The following NEDD9 variants were observed in gnomAD, a reference collection of about 807,000 sequenced individuals.
NEDD9 encodes neural precursor cell expressed, developmentally down-regulated 9.
In NEDD9, 26 loss-of-function variants were observed where a neutral mutation model predicts 76.6. The observed-to-expected ratio is 0.34, with a 90% CI of 0.25 to 0.47. The LOEUF is 0.47. Among genes scored for constraint, NEDD9 ranks in the 20% least tolerant of loss-of-function variants. The pLI is 1.00. For synonymous variants in NEDD9, 392 were observed against 414.2 expected (o/e 0.95, Z 0.65); for missense variants, 937 against 1,058.5 (o/e 0.89, Z 1.59).
At chr6:11,275,792 C>T (rs774396453) in intron 3 of NEDD9, among the ~76,000 whole-genome samples, 2 of 152,158 alleles carry the variant, frequency 1.3e-5, no homozygotes, top group Non-Finnish European at 2.9e-5. Flanking sequence ...GAAATTCTTC[C>T]AAGCCACTCA....
chr6:11,365,100 C>A (rs1762738379), intron 1 of NEDD9, among the ~76,000 whole-genome samples: 1 of 152,080 alleles, frequency 6.6e-6, no homozygotes, highest in Admixed American at 6.6e-5. Flanking sequence ...CTGCCACTCA[C>A]CCCCCAGATG....
chr6:11,227,346 C>T (rs1759336104), intron 1 of NEDD9, among the ~76,000 whole-genome samples: 2 of 152,210 alleles, frequency 1.3e-5, no homozygotes, highest in Admixed American at 1.3e-4. Context: ...GCATTGTCTG[C>T]TTACTATATG....
chr6:11,373,157 A>C (rs1349887527), intron 1 of NEDD9, among the ~76,000 whole-genome samples: 1 of 152,184 alleles, frequency 6.6e-6, no homozygotes, highest in Non-Finnish European at 1.5e-5. Flanking sequence ...AAAAATTAAA[A>C]AAAAAAAACT....
chr6:11,323,781 T>G (rs1761865054), intron 2 of NEDD9, among the ~76,000 whole-genome samples: 1 of 152,238 alleles, frequency 6.6e-6, no homozygotes, highest in African/African-American at 2.4e-5. Flanking sequence ...AGTCTCCCAG[T>G]TGCACAAGGT....
intron 1 of NEDD9, among the ~76,000 whole-genome samples, chr6:11,375,608 G>A (rs1762957042): frequency 1.3e-5 from 2 of 152,120 alleles, no homozygotes; most frequent in Non-Finnish European, 2.9e-5. Flanking sequence ...CTTTGATGGT[G>A]AGTGAGTTTT....
chr6:11,250,358 G>A (rs57917722), intron 3 of NEDD9, among the ~76,000 whole-genome samples: 1,816 of 152,262 alleles, frequency 0.012, 32 homozygotes, highest in African/African-American at 0.042. Context: ...TGGCCTTGCT[G>A]GAATCCCCAT....
At chr6:11,201,159 T>C (rs1377078257) in intron 2 of NEDD9, 9 of 1,228,114 alleles carry the variant, frequency 7.3e-6, no homozygotes, top group South Asian at 2.5e-5. Context: ...CCACTTCACC[T>C]CCTTAATGCA....
chr6:11,251,261 G>A (rs1305947712), intron 3 of NEDD9: 4 of 152,156 alleles, frequency 2.6e-5, no homozygotes, highest in Non-Finnish European at 4.4e-5. Flanking sequence ...TTTTGCTGTC[G>A]GGGTGGTGGC....
chr6:11,222,092 T>C (rs1364099103), intron 1 of NEDD9, among the ~76,000 whole-genome samples: 2 of 152,224 alleles, frequency 1.3e-5, no homozygotes, highest in African/African-American at 4.8e-5. Context: ...AGTTATAACA[T>C]CTGATAAGGT....
chr6:11,319,645 T>C, intron 2 of NEDD9, among the ~76,000 whole-genome samples: 1 of 126,200 alleles, frequency 7.9e-6, no homozygotes, highest in African/African-American at 3.1e-5. Context: ...ACATGCACAC[T>C]CACACATGCC....
chr6:11,246,784 A>T (rs1172176568), intron 3 of NEDD9, among the ~76,000 whole-genome samples: 1 of 152,188 alleles, frequency 6.6e-6, no homozygotes, highest in Non-Finnish European at 1.5e-5. Context: ...GAGCTTAGAC[A>T]TCTCTTACAA....
In NEDD9 at chr6:11,185,282, C is replaced by G; in HGVS notation, c.2385G>C (p.Lys795Asn). ...TGCTGGGGTAATGGAGGGCGGCCAT[C>G]TTGGTTGCCATGACTATGGTCTTGA... Reference protein sequence around the residue: ...EQLKTIVMATKMAALHYPSTT... With the variant: ...EQLKTIVMATNMAALHYPSTT... The change falls in exon 7 of 7, where the codon AAG (lysine) becomes AAC (asparagine). Residue 795 changes from lysine to asparagine, a missense_variant. By Grantham distance (94) the Lys-to-Asn change is moderately conservative (BLOSUM62 0). Coordinates refer to ENST00000379446, the MANE Select transcript of NEDD9 (RefSeq NM_006403.4). 6.2e-7 allele frequency: 1 copy of G among 1,614,070 alleles called. No individual in the cohort carries two copies. The highest frequency in any genetic ancestry group is 8.5e-7 in the Non-Finnish European group (1 of 1,180,016).
rs1581960581 is a variant in NEDD9, at chr6:11,213,548, A to T, written c.192T>A (p.Ile64=). ...IVPGNRVKLL[I]GPMQETASSH... is the part of the protein sequence containing the mutation. ...TGGAGGCAGTCTCCTGCATGGGACC[A>T]ATCAGAAGCTTCACCCGGTTGCCTG... The change falls in exon 2 of 7, where the codon ATT becomes ATA. Residue 64 remains isoleucine, a synonymous_variant. Transcript: ENST00000379446. The surrounding 1 kb of genome is among the most constrained non-coding windows in gnomAD (Gnocchi z 5.4). 1 of 1,614,146 alleles carries T rather than the reference A, an allele frequency of 6.2e-7. No individual in the cohort carries two copies.
chr6:11,243,922 C>G (rs543933619), intron 3 of NEDD9, among the ~76,000 whole-genome samples: 17 of 152,274 alleles, frequency 1.1e-4, no homozygotes, highest in South Asian at 2.1e-4. Context: ...ATGTGTCAAC[C>G]TGGATAGGCC....
intron 1 of NEDD9, among the ~76,000 whole-genome samples, chr6:11,228,224 G>T (rs1336385055): frequency 1.3e-5 from 2 of 152,010 alleles, no homozygotes; most frequent in African/African-American, 4.8e-5. Flanking sequence ...ATAAAAGCAC[G>T]AAAGTGGGAG....
intron 1 of NEDD9, among the ~76,000 whole-genome samples, chr6:11,345,694 T>C (rs977335318): frequency 6.6e-6 from 1 of 152,152 alleles, no homozygotes. Context: ...GAATGATCTT[T>C]TCACCCTCAT....
At chr6:11,229,493 A>G (rs143934303) in intron 1 of NEDD9, among the ~76,000 whole-genome samples, 211 of 152,204 alleles carry the variant, frequency 1.4e-3, no homozygotes, top group African/African-American at 4.7e-3. Context: ...CTCCTGGGAA[A>G]CAGCACAACC....
chr6:11,240,447 T>C (rs984411721), intron 3 of NEDD9, among the ~76,000 whole-genome samples: 9 of 152,166 alleles, frequency 5.9e-5, no homozygotes, highest in Admixed American at 1.3e-4. Context: ...AAATGGGATG[T>C]CTTAGGCCCC....
chr6:11,359,948 T>C (rs965058833), intron 1 of NEDD9, among the ~76,000 whole-genome samples: 2 of 152,314 alleles, frequency 1.3e-5, no homozygotes, highest in Non-Finnish European at 2.9e-5. Context: ...CAAGGCATTA[T>C]CAAATAATCT....
Sources: gnomAD v4.1 joint callset for allele counts (sites outside exome capture counted in the v4.1 genomes callset) on GRCh38, gnomAD v4.1.1 for gene constraint, Gnocchi (gnomAD v3.1) non-coding constraint, MANE v1.5 for transcripts, NCBI Gene and HGNC (gene_info 2026-07-23, HGNC 2026-07-21) for gene names.